Variants in ADAMTS3 observed in about 807,000 individuals in gnomAD.
ADAMTS3 encodes ADAM metallopeptidase with thrombospondin type 1 motif 3, also known as A disintegrin and metalloproteinase with thrombospondin motifs 3.
Under a neutral mutation model 129.0 loss-of-function variants are expected in ADAMTS3, and 73 were observed. The ratio of observed to expected loss-of-function variants is 0.57; its 90% confidence interval spans 0.47 to 0.69. ADAMTS3 has a LOEUF of 0.69. ADAMTS3 is among the 30% of genes least tolerant of loss of function. The pLI is 0.00. For missense variants in ADAMTS3, 1,457 were observed against 1,514.5 expected (o/e 0.96, Z 0.63); for synonymous variants, 477 against 510.8 (o/e 0.93, Z 0.89).
At chr4:72,367,580 T>C (rs1222249017) in intron 4 of ADAMTS3, among the ~76,000 whole-genome samples, 1 of 152,130 alleles carries the variant, frequency 6.6e-6, no homozygotes, top group East Asian at 1.9e-4. Flanking sequence ...AAAATATACA[T>C]TTTTAAAGAC....
At chr4:72,385,364 C>T (rs1407738672) in intron 4 of ADAMTS3, among the ~76,000 whole-genome samples, 1 of 151,570 alleles carries the variant, frequency 6.6e-6, no homozygotes, top group Non-Finnish European at 1.5e-5. Flanking sequence ...GGTAGAGAAG[C>T]TAAGATGGAA....
Position 72,526,733 on chromosome 4 carries a change from CATATATATATATATATAT to C in ADAMTS3, c.504+21727_504+21744del, listed in dbSNP as rs36097990. ...TAGAGACAGAAAAAATATATACATACATATATATATATATATATATATATATATATATATATATATATA... is the reference window on the plus strand; with the variant it reads ...TAGAGACAGAAAAAATATATACATACATATATATATATATATATATATATA... On this transcript the variant is annotated intron_variant, in intron 3 of 21. Coordinates refer to ENST00000286657, the MANE Select transcript of ADAMTS3 (RefSeq NM_014243.3). Among the ~76,000 whole-genome samples, 822 of 99,070 alleles carry C rather than the reference CATATATATATATATATAT, an allele frequency of 8.3e-3. 27 individuals carry two copies. The highest frequency in any genetic ancestry group is 0.028 in the African/African-American group (702 of 24,732). The allele number at this position is 99,070 out of a possible 152,430, so 65.0% of individuals were successfully genotyped here.
At chr4:72,566,208 C>G (rs2109811347) in intron 2 of ADAMTS3, among the ~76,000 whole-genome samples, 3 of 152,230 alleles carry the variant, frequency 2.0e-5, no homozygotes, top group Admixed American at 2.0e-4. Flanking sequence ...ATGCTAAGCA[C>G]TGAGTAGGAA....
In ADAMTS3 at chr4:72,548,701, C is replaced by T. The variant is rs202230275; in HGVS notation, c.281G>A (p.Arg94Gln). 210 of 1,613,944 alleles carry T rather than the reference C, an allele frequency of 1.3e-4. No homozygotes were observed. The highest frequency in any genetic ancestry group is 9.8e-4 in the East Asian group (44 of 44,882). The change falls in exon 3 of 22, where the codon CGA becomes CAA. Residue 94 changes from arginine to glutamine, a missense_variant. Physicochemically the swap from Arg to Gln is conservative, Grantham distance 43 (BLOSUM62 1). Coordinates refer to ENST00000286657, the MANE Select transcript of ADAMTS3 (RefSeq NM_014243.3). ...TACTAGTTGAGTGTTGGGCTTTAGT[C>T]GCAGATGAAAATCTTTTCCAAATGC... ...ITAFGKDFHL[R>Q]LKPNTQLVAP... is the part of the protein sequence containing the mutation.
chr4:72,535,443 C>G (rs978894086), intron 3 of ADAMTS3, among the ~76,000 whole-genome samples: 11 of 152,144 alleles, frequency 7.2e-5, no homozygotes, highest in African/African-American at 2.7e-4. Flanking sequence ...ACCCCAGCAT[C>G]TAACAGTACA....
At chr4:72,537,489 T>C (rs2109772690) in intron 3 of ADAMTS3, among the ~76,000 whole-genome samples, 1 of 151,926 alleles carries the variant, frequency 6.6e-6, no homozygotes, top group Non-Finnish European at 1.5e-5. Context: ...ACAAGAAAAA[T>C]TTGAAAGTCA....
Position 72,530,627 on chromosome 4 carries a change from AT to A in ADAMTS3, c.504+17850del, listed in dbSNP as rs1365897241. Reference sequence around the variant, plus strand: ...AAATATATATTATATAATATATATTATTATATAATATATTATATATAATATT... The same window carrying A: ...AAATATATATTATATAATATATATTATATATAATATATTATATATAATATT... On this transcript the variant is annotated intron_variant, in intron 3 of 21. Coordinates refer to ENST00000286657, the MANE Select transcript of ADAMTS3 (RefSeq NM_014243.3). Among the ~76,000 whole-genome samples, 465 of 85,918 alleles carry A rather than the reference AT, an allele frequency of 5.4e-3. 1 individual carries two copies. Among genetic ancestry groups the A allele is most frequent in the African/African-American group, 0.019 (397 of 21,294 alleles). 56.4% of individuals were successfully genotyped at this position (85,918 alleles called of 152,430 possible). A position where few individuals can be genotyped will look rare whatever the true frequency, so the allele number is the denominator to read the frequency against.
chr4:72,355,208 TA>T (rs57820434), intron 4 of ADAMTS3, among the ~76,000 whole-genome samples: 39 of 146,882 alleles, frequency 2.7e-4, no homozygotes, highest in East Asian at 1.2e-3. Context: ...AAATAATAAC[TA>T]AAAAAAAAAA....
chr4:72,341,910 C>A (rs946219787), intron 4 of ADAMTS3, among the ~76,000 whole-genome samples: 4 of 152,156 alleles, frequency 2.6e-5, no homozygotes, highest in Non-Finnish European at 4.4e-5. Context: ...TCCTAAAATG[C>A]ACAATATCAA....
rs1721243136 is a variant in ADAMTS3, at chr4:72,380,011, C to T, written c.661+34804G>A. Among the ~76,000 whole-genome samples the T allele has an allele frequency of 2.0e-5, 3 of 152,028 alleles. No homozygotes were observed. The South Asian group carries it at 6.2e-4, about 32-fold the overall frequency. ...ATTTAGGGTTCACATAAGCAACATA[C>T]CTTGTTGCTATGGAACAGCAATAAT... On this transcript the variant is annotated intron_variant, in intron 4 of 21. Transcript: ENST00000286657.
chr4:72,520,678 T>C (rs1450614311), intron 3 of ADAMTS3, among the ~76,000 whole-genome samples: 1 of 152,198 alleles, frequency 6.6e-6, no homozygotes, highest in Non-Finnish European at 1.5e-5. Context: ...GTGCGCTGTT[T>C]CCTAAGCCTG....
At chr4:72,467,778 A>G (rs1399792938) in intron 3 of ADAMTS3, among the ~76,000 whole-genome samples, 1 of 152,052 alleles carries the variant, frequency 6.6e-6, no homozygotes, top group Non-Finnish European at 1.5e-5. Flanking sequence ...CTAGGCCCTC[A>G]TCATACCACA....
chr4:72,344,476 C>G (rs1720226324), intron 4 of ADAMTS3, among the ~76,000 whole-genome samples: 1 of 152,212 alleles, frequency 6.6e-6, no homozygotes. Context: ...ACCATCTACC[C>G]AATATTCATT....
Position 72,323,018 on chromosome 4 carries a change from G to T in ADAMTS3, c.941C>A (p.Ala314Glu), listed in dbSNP as rs1212104565. 6.2e-7 allele frequency: 1 copy of T among 1,611,074 alleles called. No individual in the cohort carries two copies. Among genetic ancestry groups the T allele is most frequent in the Non-Finnish European group, 8.5e-7 (1 of 1,177,718 alleles). Residue 314 changes from alanine (A) to glutamate (E), a missense_variant, in exon 6 of 22, where the codon GCA (alanine) becomes GAA (glutamate). By Grantham distance (107) the Ala-to-Glu change is moderately radical. Coordinates refer to ENST00000286657, the MANE Select transcript of ADAMTS3 (RefSeq NM_014243.3). ...VLVRMIMLGY[A>E]KSISLIERGN... is the part of the protein sequence containing the mutation. ...TCATGTTTTAAGACATTTTACCTTT[G>T]CATATCCCAGCATTATCATGCGCAC...
intron 3 of ADAMTS3, among the ~76,000 whole-genome samples, chr4:72,454,898 C>A (rs1051933223): frequency 2.0e-5 from 3 of 151,616 alleles, no homozygotes; most frequent in African/African-American, 7.3e-5. Context: ...TGGAAATTTA[C>A]CCTTGTCAGA....
chr4:72,500,357 T>A (rs919665987), intron 3 of ADAMTS3, among the ~76,000 whole-genome samples: 24 of 152,170 alleles, frequency 1.6e-4, no homozygotes, highest in African/African-American at 5.8e-4. Context: ...TTGATTTGCA[T>A]CTCTCTGATG....
intron 4 of ADAMTS3, among the ~76,000 whole-genome samples, chr4:72,409,268 T>C (rs1453241823): frequency 6.6e-6 from 1 of 152,140 alleles, no homozygotes; most frequent in Non-Finnish European, 1.5e-5. Context: ...ACATTTTAAA[T>C]ACTAGCAAAG....
At chr4:72,328,636 T>C (rs1411212944) in intron 5 of ADAMTS3, among the ~76,000 whole-genome samples, 2 of 152,138 alleles carry the variant, frequency 1.3e-5, no homozygotes, top group South Asian at 2.1e-4. Flanking sequence ...CATAGGATTG[T>C]TGAAAGGAAT....
At chr4:72,546,825 T>G (rs1721480209) in intron 3 of ADAMTS3, among the ~76,000 whole-genome samples, 1 of 151,992 alleles carries the variant, frequency 6.6e-6, no homozygotes, top group Admixed American at 6.6e-5. Context: ...TCTGGGATTC[T>G]CATCCAGAAG....
Sources: gnomAD v4.1 joint callset for allele counts (sites outside exome capture counted in the v4.1 genomes callset) on GRCh38, gnomAD v4.1.1 for gene constraint, MANE v1.5 for transcripts, NCBI Gene and HGNC (gene_info 2026-07-23, HGNC 2026-07-21) for gene names.